The following HTR5A variants were observed in gnomAD, a reference collection of about 807,000 sequenced individuals.
HTR5A encodes 5-HT-5.
Under a neutral mutation model 24.3 loss-of-function variants are expected in HTR5A, and 21 were observed. The ratio of observed to expected loss-of-function variants is 0.86; its 90% CI spans 0.61 to 1.24. HTR5A has a LOEUF of 1.24. Among genes scored for constraint, HTR5A ranks in the 50% most tolerant of loss-of-function variants. HTR5A has a pLI of 0.00. For synonymous variants in HTR5A, 260 were observed against 213.7 expected (o/e 1.22, Z -1.89); for missense variants, 497 against 489.5 (o/e 1.02, Z -0.15).
chr7:155,070,465 G>A lies in HTR5A; in HGVS notation c.-435G>A. The stretch of plus-strand genomic sequence containing the variant: ...CTGCAGCCGGCTGCCTAGAGAGAAG[G>A]GTGGGCAGGGAGACAACGCGGTGAG... On this transcript the variant is annotated 5_prime_UTR_variant, in exon 1 of 2. Transcript: ENST00000287907. 1 of 414,618 alleles carries A rather than the reference G, an allele frequency of 2.4e-6. No homozygotes were observed. Among genetic ancestry groups the A allele is most frequent in the Non-Finnish European group, 4.8e-6 (1 of 208,574 alleles). The allele number at this position is 414,618 out of a possible 1,614,324, so 25.7% of individuals were successfully genotyped here. A position where few individuals can be genotyped will look rare whatever the true frequency, so the allele number is the denominator to read the frequency against.
chr7:155,074,146 T>A (rs1049079994), intron 1 of HTR5A, among the ~76,000 whole-genome samples: 1 of 152,060 alleles, frequency 6.6e-6, no homozygotes, highest in Non-Finnish European at 1.5e-5. Context: ...ACTAGCTAGC[T>A]GTTCCCTGGG....
At position 155,070,758 on chromosome 7, in the gene HTR5A, C is replaced by G; in HGVS notation, c.-142C>G. ...GATGCTCACTAGCAGGAAATTGGGG[C>G]CAAATTCACAGGCACTTTCCAGAAA... On this transcript the variant is annotated 5_prime_UTR_variant, in exon 1 of 2. Transcript: ENST00000287907. 1 of 906,146 alleles carries G rather than the reference C, an allele frequency of 1.1e-6. No individual in the cohort carries two copies. Among genetic ancestry groups the G allele is most frequent in the Non-Finnish European group, 1.7e-6 (1 of 591,600 alleles). 56.1% of individuals were successfully genotyped at this position (906,146 alleles called of 1,614,324 possible). A position where few individuals can be genotyped will look rare whatever the true frequency, so the allele number is the denominator to read the frequency against.
chr7:155,080,859 G>C (rs1341163457), intron 1 of HTR5A, among the ~76,000 whole-genome samples: 1 of 152,174 alleles, frequency 6.6e-6, no homozygotes, highest in Non-Finnish European at 1.5e-5. Context: ...TTTTCTGCTG[G>C]AATGGGGTTT....
rs141112979 is a variant in HTR5A, at chr7:155,086,284, A to G, written c.*1797A>G. On this transcript the variant is annotated 3_prime_UTR_variant, in exon 2 of 2. Transcript: ENST00000287907. ...GAGGAGTCTGGAGAGGTAACACTAG[A>G]ATCAAGGGTAAACGCTTAAGTCTAT... Among the ~76,000 whole-genome samples the G allele has an allele frequency of 3.9e-5, 6 of 152,356 alleles. No homozygotes were observed. The highest frequency in any genetic ancestry group is 1.4e-4 in the African/African-American group (6 of 41,574).
At chr7:155,073,136 T>G (rs1237235316) in intron 1 of HTR5A, among the ~76,000 whole-genome samples, 2 of 151,908 alleles carry the variant, frequency 1.3e-5, no homozygotes, top group Non-Finnish European at 1.5e-5. Flanking sequence ...CTGGCTAACA[T>G]GGTGAAACCC....
At chr7:155,079,144 G>A (rs1298150516) in intron 1 of HTR5A, among the ~76,000 whole-genome samples, 1 of 151,972 alleles carries the variant, frequency 6.6e-6, no homozygotes, top group Non-Finnish European at 1.5e-5. Context: ...TTGTGGAGAT[G>A]GGGTCTCTCT....
intron 1 of HTR5A, among the ~76,000 whole-genome samples, chr7:155,071,847 C>T (rs1045089353): frequency 6.6e-6 from 1 of 152,140 alleles, no homozygotes; most frequent in African/African-American, 2.4e-5. Flanking sequence ...ATATCATGTT[C>T]CTTCTCTAAT....
intron 1 of HTR5A, among the ~76,000 whole-genome samples, chr7:155,079,968 T>C (rs1475868142): frequency 6.6e-6 from 1 of 152,254 alleles, no homozygotes; most frequent in Non-Finnish European, 1.5e-5. Context: ...TGCTTTTTCA[T>C]AAATTGGTCA....
chr7:155,073,897 A>ATATATGTATATATATACG (rs1563419657), intron 1 of HTR5A, among the ~76,000 whole-genome samples: 341 of 19,812 alleles, frequency 0.017, 3 homozygotes, highest in Admixed American at 0.021. Context: ...ATGTATATAT[A>ATATATGTATATATATACG]TATATATATA....
At chr7:155,083,174 CT>C (rs1795436569) in intron 1 of HTR5A, among the ~76,000 whole-genome samples, 1 of 152,138 alleles carries the variant, frequency 6.6e-6, no homozygotes, top group South Asian at 2.1e-4. Flanking sequence ...AATTCTTTGC[CT>C]CAAAGATCGT....
At chr7:155,074,012 C>T (rs1795334137) in intron 1 of HTR5A, among the ~76,000 whole-genome samples, 1 of 151,342 alleles carries the variant, frequency 6.6e-6, no homozygotes, top group South Asian at 2.1e-4. Flanking sequence ...TAATCCAGTA[C>T]TCTAAATATA....
chr7:155,084,979 T>C lies in HTR5A; in HGVS notation c.*492T>C, dbSNP rs1631327. On this transcript the variant is annotated 3_prime_UTR_variant, in exon 2 of 2. Coordinates refer to ENST00000287907, the MANE Select transcript of HTR5A (RefSeq NM_024012.4). ...GGTCCTAGTACATATATCCTAATAC[T>C]GATGGGGTATGACCCAAGAGTTGAC... 120,254 of 154,656 alleles carry C rather than the reference T, an allele frequency of 0.78. 47,730 individuals carry two copies. Among genetic ancestry groups the C allele is most frequent in the African/African-American group, 0.95 (39,284 of 41,526 alleles). 9.6% of individuals were successfully genotyped at this position (154,656 alleles called of 1,614,324 possible). A position where few individuals can be genotyped will look rare whatever the true frequency, so the allele number is the denominator to read the frequency against.
chr7:155,077,472 T>G (rs907165258), intron 1 of HTR5A, among the ~76,000 whole-genome samples: 2 of 146,138 alleles, frequency 1.4e-5, no homozygotes, highest in South Asian at 2.1e-4. Flanking sequence ...TTTTGTTTTT[T>G]TTTTTTTTTG....
At position 155,084,549 on chromosome 7, in the gene HTR5A, C is replaced by T; in HGVS notation, c.*62C>T. The T allele has an allele frequency of 2.2e-6, 3 of 1,351,136 alleles. No homozygotes were observed. Among genetic ancestry groups the T allele is most frequent in the Non-Finnish European group, 3.1e-6 (3 of 975,400 alleles). The allele number at this position is 1,351,136 out of a possible 1,614,324, so 83.7% of individuals were successfully genotyped here. ...AATTCAGTGGAATTCCCAGTTCATCCATTTCCCATCCCCACCCAACAGCCA... is the reference window on the plus strand; with the variant it reads ...AATTCAGTGGAATTCCCAGTTCATCTATTTCCCATCCCCACCCAACAGCCA... On this transcript the variant is annotated 3_prime_UTR_variant, in exon 2 of 2. Transcript: ENST00000287907.
chr7:155,087,057 C>G lies in HTR5A; in HGVS notation c.*2570C>G, dbSNP rs1585125142. Among the ~76,000 whole-genome samples the G allele has an allele frequency of 6.6e-6, 1 of 152,086 alleles. No individual in the cohort carries two copies. ...CGAACAAAACGCACAGTTCTGCCCT[C>G]CTGCCTAAAGACAAAGTACAAAGGA... is the stretch of plus-strand genomic sequence containing the variant. On this transcript the variant is annotated 3_prime_UTR_variant, in exon 2 of 2. Coordinates refer to ENST00000287907, the MANE Select transcript of HTR5A (RefSeq NM_024012.4).
chr7:155,073,853 ATGTG>A (rs1226352562), intron 1 of HTR5A, among the ~76,000 whole-genome samples: 4 of 83,960 alleles, frequency 4.8e-5, no homozygotes, highest in Admixed American at 2.8e-4. Flanking sequence ...ATATATACAT[ATGTG>A]TGTGTGTGTA....
Position 155,085,621 on chromosome 7 carries a change from G to T in HTR5A, c.*1134G>T, listed in dbSNP as rs959763254. The T allele has an allele frequency of 2.6e-5, 4 of 151,998 alleles. No individual in the cohort carries two copies. Among genetic ancestry groups the T allele is most frequent in the African/African-American group, 9.7e-5 (4 of 41,380 alleles). The allele number at this position is 151,998 out of a possible 1,614,324, so 9.4% of individuals were successfully genotyped here. A position where few individuals can be genotyped will look rare whatever the true frequency, so the allele number is the denominator to read the frequency against. On this transcript the variant is annotated 3_prime_UTR_variant, in exon 2 of 2. Coordinates refer to ENST00000287907, the MANE Select transcript of HTR5A (RefSeq NM_024012.4). ...CAGTTAAGTGATGATGCAGCATTTGGATGATCATGTAAAACCAGTGTCATT... is the reference window on the plus strand; with the variant it reads ...CAGTTAAGTGATGATGCAGCATTTGTATGATCATGTAAAACCAGTGTCATT...
At chr7:155,075,850 A>T (rs1480178116) in intron 1 of HTR5A, among the ~76,000 whole-genome samples, 2 of 129,882 alleles carry the variant, frequency 1.5e-5, no homozygotes, top group Non-Finnish European at 3.0e-5. Flanking sequence ...TGACAACTTT[A>T]AAAAAAAACC....
chr7:155,073,877 G>GTGTATATATATATATGTGTGTGTA lies in HTR5A; in HGVS notation c.741+2238_741+2239insGTATATATATATATGTGTGTGTAT, dbSNP rs1210393368. ...TATGTGTGTGTGTGTATATATATAT[G>GTGTATATATATATATGTGTGTGTA]TATATATATATGTATATATATATAT... On this transcript the variant is annotated intron_variant, in intron 1 of 1. Transcript: ENST00000287907. Among the ~76,000 whole-genome samples, 6 of 8,004 alleles carry GTGTATATATATATATGTGTGTGTA rather than the reference G, an allele frequency of 7.5e-4. No homozygotes were observed. In the Admixed American group the frequency reaches 0.011, roughly 15 times the overall value. 5.3% of individuals were successfully genotyped at this position (8,004 alleles called of 152,430 possible). A position where few individuals can be genotyped will look rare whatever the true frequency, so the allele number is the denominator to read the frequency against.
Sources: gnomAD v4.1 joint callset for allele counts (sites outside exome capture counted in the v4.1 genomes callset) on GRCh38, gnomAD v4.1.1 for gene constraint, MANE v1.5 for transcripts, NCBI Gene and HGNC (gene_info 2026-07-23, HGNC 2026-07-21) for gene names.